Variants in CRYBG3 observed in about 807,000 individuals in gnomAD.
CRYBG3 encodes the protein crystallin beta-gamma domain containing 3.
In CRYBG3, 127 loss-of-function variants were observed where a neutral mutation model predicts 244.2. The observed-to-expected ratio is 0.52, with a 90% confidence interval of 0.45 to 0.60. CRYBG3 has a LOEUF of 0.60. Among genes scored for constraint, CRYBG3 ranks in the 20% least tolerant of loss-of-function variants. The pLI is 0.00. For synonymous variants in CRYBG3, 1,132 were observed against 1,195.8 expected (o/e 0.95, Z 1.10); for missense variants, 3,325 against 3,442.5 (o/e 0.97, Z 0.85).
Position 97,888,460 on chromosome 3 carries a change from G to A in CRYBG3, c.7404+5G>A, listed in dbSNP as rs777300727. On this transcript the variant is annotated splice_donor_5th_base_variant and intron_variant, in intron 9 of 21. Transcript: ENST00000389622. Reference sequence around the variant, plus strand: ...TCATTACATCCGCTTCAAATGGTAAGCAAATTTAAAAAGAAGCATTCCTTT... The same window carrying A: ...TCATTACATCCGCTTCAAATGGTAAACAAATTTAAAAAGAAGCATTCCTTT... 2 of 1,557,288 alleles carry A rather than the reference G, an allele frequency of 1.3e-6. No individual in the cohort carries two copies. Among genetic ancestry groups the A allele is most frequent in the Non-Finnish European group, 8.9e-7 (1 of 1,129,428 alleles).
intron 17 of CRYBG3, among the ~76,000 whole-genome samples, chr3:97,918,579 T>G (rs1169671025): frequency 6.6e-6 from 1 of 152,198 alleles, no homozygotes; most frequent in African/African-American, 2.4e-5. Context: ...TTTATCTGGC[T>G]TTAGGATTCA....
intron 1 of CRYBG3, among the ~76,000 whole-genome samples, chr3:97,824,031 C>A (rs760973448): frequency 5.3e-5 from 8 of 152,166 alleles, no homozygotes; most frequent in Non-Finnish European, 1.0e-4. Context: ...CTTATATCAA[C>A]GCTAATTTTG....
intron 3 of CRYBG3, among the ~76,000 whole-genome samples, 154 bp downstream of exon 3, chr3:97,864,801 A>G (rs1473184178): frequency 6.6e-6 from 1 of 152,152 alleles, no homozygotes; most frequent in Admixed American, 6.5e-5. Context: ...TCTGTACCAT[A>G]CAAGTAATCA....
At position 97,915,652 on chromosome 3, in the gene CRYBG3, T is replaced by G; in HGVS notation, c.8157T>G (p.Cys2719Trp). 1 of 1,612,870 alleles carries G rather than the reference T, an allele frequency of 6.2e-7. No homozygotes were observed. The highest frequency in any genetic ancestry group is 8.5e-7 in the Non-Finnish European group (1 of 1,179,090). The change falls in exon 17 of 22, where the codon TGT becomes TGG. Residue 2719 changes from cysteine (C) to tryptophan (W), a missense_variant. Physicochemically the swap from Cys to Trp is radical, Grantham distance 215. Transcript: ENST00000389622. ...AAGAAGACATGTTTGTTAATCACTG[T>G]GTGTTAGAAGAAGGCCTCTATGCTG... is the stretch of plus-strand genomic sequence containing the variant. ...YYQEDMFVNH[C>W]VLEEGLYADL... is the part of the protein sequence containing the mutation.
intron 10 of CRYBG3, among the ~76,000 whole-genome samples, chr3:97,892,076 G>A (rs949131716): frequency 5.9e-5 from 9 of 152,046 alleles, no homozygotes; most frequent in African/African-American, 1.7e-4. Flanking sequence ...AGGATCATAC[G>A]GGTAAAGCCA....
rs2039442383 is a variant in CRYBG3, at chr3:97,881,176, C to A, written c.7109C>A (p.Pro2370Gln). 1 of 1,610,366 alleles carries A rather than the reference C, an allele frequency of 6.2e-7. No homozygotes were observed. Among genetic ancestry groups the A allele is most frequent in the Admixed American group, 1.7e-5 (1 of 59,610 alleles). ...RDWILQNRRH[P>Q]QRNFILGSLK... ...TGGATTCTTCAGAACAGAAGGCATC[C>A]ACAAAGAAACTTTATATTGGGTTCT... Residue 2370 changes from proline (P) to glutamine (Q), a missense_variant, in exon 7 of 22, where the codon CCA becomes CAA. Coordinates refer to ENST00000389622, the MANE Select transcript of CRYBG3 (RefSeq NM_153605.4).
chr3:97,836,226 C>A (rs536101498), intron 1 of CRYBG3, among the ~76,000 whole-genome samples: 1 of 152,076 alleles, frequency 6.6e-6, no homozygotes, highest in Non-Finnish European at 1.5e-5. Context: ...TTCCTCTCTC[C>A]TCCTGATTTT....
In CRYBG3 at chr3:97,874,475, A is replaced by C. The variant is rs1205660239; in HGVS notation, c.3281A>C (p.His1094Pro). Residue 1094 changes from histidine (H) to proline (P), a missense_variant, in exon 4 of 22, where the codon CAT (histidine) becomes CCT (proline). This residue lies in a region of CRYBG3 where 1,526 missense variants were observed against 1,443.2 expected (regional missense o/e 1.06). Transcript: ENST00000389622. ...ATACAAGTTACCAAAGATCTCACAC[A>C]TGAAGGTACCTCTGTAACTAACCTG... ...DSIQVTKDLT[H>P]EGTSVTNLLY... The C allele has an allele frequency of 6.5e-7, 1 of 1,534,430 alleles. No individual in the cohort carries two copies. The highest frequency in any genetic ancestry group is 8.7e-7 in the Non-Finnish European group (1 of 1,146,314).
At chr3:97,933,618 G>A in intron 17 of CRYBG3, 76 bp from the exon 18 acceptor site, 1 of 1,434,712 alleles carries the variant, frequency 7.0e-7, no homozygotes, top group Non-Finnish European at 9.7e-7. Context: ...ATGGATTCAG[G>A]GTACCCTGTG....
intron 1 of CRYBG3, among the ~76,000 whole-genome samples, chr3:97,828,242 G>C (rs1002684627): frequency 1.3e-5 from 2 of 152,068 alleles, no homozygotes; most frequent in Non-Finnish European, 2.9e-5. Context: ...AGAGAAATTT[G>C]ATATGACCTA....
intron 1 of CRYBG3, among the ~76,000 whole-genome samples, chr3:97,824,878 C>T (rs1430689100): frequency 6.6e-6 from 1 of 152,116 alleles, no homozygotes; most frequent in African/African-American, 2.4e-5. Context: ...ATCACTGGTG[C>T]AGTGTTAAGC....
chr3:97,943,077 G>A, intron 21 of CRYBG3, 149 bp from the exon 22 acceptor site: 1 of 600,740 alleles, frequency 1.7e-6, no homozygotes, highest in Middle Eastern at 4.5e-4. Context: ...GGCTAAGCCT[G>A]TTCAAACTCA....
At chr3:97,822,731 A>G (rs2038522002) in intron 1 of CRYBG3, among the ~76,000 whole-genome samples, 1 of 152,216 alleles carries the variant, frequency 6.6e-6, no homozygotes, top group South Asian at 2.1e-4. Flanking sequence ...TCCCGCCTGC[A>G]GTAATGGGAA....
chr3:97,831,289 G>A (rs1258762289), intron 1 of CRYBG3, among the ~76,000 whole-genome samples: 2 of 152,196 alleles, frequency 1.3e-5, no homozygotes, highest in Non-Finnish European at 2.9e-5. Context: ...GAGATGTTAT[G>A]ACAGACTTCA....
chr3:97,865,521 C>G (rs976403416), intron 3 of CRYBG3, among the ~76,000 whole-genome samples: 8 of 152,146 alleles, frequency 5.3e-5, no homozygotes, highest in African/African-American at 1.9e-4. Flanking sequence ...TCTTACAGCT[C>G]TGTGAAAATT....
intron 11 of CRYBG3, among the ~76,000 whole-genome samples, chr3:97,893,904 A>G (rs2039610015): frequency 6.6e-6 from 1 of 152,198 alleles, no homozygotes; most frequent in African/African-American, 2.4e-5. Flanking sequence ...CCGGCAGTAA[A>G]TTAAGTAATA....
At chr3:97,885,745 A>C (rs1399496581) in intron 7 of CRYBG3, among the ~76,000 whole-genome samples, 3 of 152,168 alleles carry the variant, frequency 2.0e-5, no homozygotes, top group Non-Finnish European at 4.4e-5. Flanking sequence ...GTAGGAAGTT[A>C]GTGTGGATCA....
At chr3:97,916,886 T>C (rs2039934766) in intron 17 of CRYBG3, among the ~76,000 whole-genome samples, 1 of 151,962 alleles carries the variant, frequency 6.6e-6, no homozygotes, top group South Asian at 2.1e-4. Flanking sequence ...GGAAAAATGG[T>C]TTAAAAAAAA....
chr3:97,941,262 A>C lies in CRYBG3; in HGVS notation c.8620A>C (p.Asn2874His), dbSNP rs4857302. The change falls in exon 20 of 22, where the codon AAT (asparagine) becomes CAT (histidine). Residue 2874 changes from asparagine to histidine, a missense_variant. Physicochemically the swap from Asn to His is moderately conservative, Grantham distance 68 (BLOSUM62 1). Coordinates refer to ENST00000389622, the MANE Select transcript of CRYBG3 (RefSeq NM_153605.4). ...SVCISPYSGK[N>H]TQIWYYCRGL... The stretch of plus-strand genomic sequence containing the variant: ...GTGCATTTCTCCCTATAGTGGAAAG[A>C]ATACTCAGATCTGGTACTACTGCCG... 0.51 allele frequency: 814,710 copies of C among 1,609,674 alleles called. 209,687 individuals carry two copies. Among genetic ancestry groups the C allele is most frequent in the East Asian group, 0.71 (31,871 of 44,782 alleles).
Sources: allele counts gnomAD v4.1 joint callset (sites outside exome capture counted in the v4.1 genomes callset), GRCh38; gene constraint gnomAD v4.1.1; regional missense constraint gnomAD v4.1.1; transcripts MANE v1.5; gene names NCBI Gene and HGNC (gene_info 2026-07-23, HGNC 2026-07-21).